The following ZBTB25 variants were observed in gnomAD, a reference collection of about 807,000 sequenced individuals.
ZBTB25 encodes zinc finger and BTB domain-containing protein 25.
ZBTB25 carries 20 observed loss-of-function variants against 34.2 expected under a neutral mutation model. That is an observed-to-expected ratio of 0.58 (90% CI 0.41 to 0.85). The LOEUF is 0.85. Among genes scored for constraint, ZBTB25 ranks in the 40% least tolerant of loss-of-function variants. The pLI, the probability that ZBTB25 is intolerant of heterozygous loss-of-function variation, is 0.00. For synonymous variants in ZBTB25, 175 were observed against 186.4 expected (o/e 0.94, Z 0.50); for missense variants, 437 against 521.8 (o/e 0.84, Z 1.58).
In ZBTB25 at chr14:64,487,211, A is replaced by G; in HGVS notation, c.1020T>C (p.Asn340=). 2 of 1,614,166 alleles carry G rather than the reference A, an allele frequency of 1.2e-6. No individual in the cohort carries two copies. The highest frequency in any genetic ancestry group is 1.7e-6 in the Non-Finnish European group (2 of 1,180,034). ...KDTEPVELNC[N]FSFSRKRKMS... is the part of the protein sequence containing the mutation. ...TTTTTCTTTTCCTTGAAAAAGAAAA[A>G]TTACAGTTTAATTCTACTGGCTCTG... Residue 340 remains asparagine (N), a synonymous_variant, in exon 3 of 3, where the codon AAT becomes AAC. Transcript: ENST00000608382.
At chr14:64,489,079 T>C (rs1344994990) in intron 2 of ZBTB25, among the ~76,000 whole-genome samples, 1 of 152,070 alleles carries the variant, frequency 6.6e-6, no homozygotes, top group African/African-American at 2.4e-5. Context: ...AAACCCTGTC[T>C]CTACTAAAAT....
rs1304043230 is a variant in ZBTB25, at chr14:64,481,763, T to C, written c.*5160A>G. Reference sequence around the variant, plus strand: ...TGGGACTGTGCAATCTCACCAGTTTTCAAAATGTCCAACCATACAAACACA... The same window carrying C: ...TGGGACTGTGCAATCTCACCAGTTTCCAAAATGTCCAACCATACAAACACA... On this transcript the variant is annotated 3_prime_UTR_variant, in exon 3 of 3. Transcript: ENST00000608382. 6.6e-6 allele frequency: 1 copy of C among 152,206 alleles called. No homozygotes were observed. Among genetic ancestry groups the C allele is most frequent in the African/African-American group, 2.4e-5 (1 of 41,446 alleles). The allele number at this position is 152,206 out of a possible 1,614,324, so 9.4% of individuals were successfully genotyped here.
intron 2 of ZBTB25, among the ~76,000 whole-genome samples, chr14:64,488,579 T>C (rs928810976): frequency 5.9e-5 from 9 of 152,202 alleles, no homozygotes; most frequent in Non-Finnish European, 1.2e-4. Context: ...TGGAATATTA[T>C]TCAACCATAA....
At chr14:64,496,950 G>C (rs2079299310) in intron 1 of ZBTB25, among the ~76,000 whole-genome samples, 1 of 152,122 alleles carries the variant, frequency 6.6e-6, no homozygotes, top group Non-Finnish European at 1.5e-5. Context: ...AGAAACCACA[G>C]GCTCAGAGAA....
chr14:64,449,273 C>A, exon 3 of ZBTB25: 1 of 720,236 alleles, frequency 1.4e-6, no homozygotes, highest in Non-Finnish European at 2.4e-6. Context: ...AGGTAACTGG[C>A]CAAAAGTCAC....
At chr14:64,465,146 GTC>G (rs2078596821) in intron 2 of ZBTB25, among the ~76,000 whole-genome samples, 3 of 152,346 alleles carry the variant, frequency 2.0e-5, no homozygotes, top group Admixed American at 1.3e-4. Context: ...TAATGCGACT[GTC>G]TATAATTTGA....
Position 64,498,984 on chromosome 14 carries a change from G to GT in ZBTB25, c.-8+4676dup, listed in dbSNP as rs1452296593. ...CAGGTGATTCTAACGTGACTGCTCA[G>GT]TTAAGAACCACTGCCTCAGAAGAAC... On this transcript the variant is annotated intron_variant, in intron 1 of 2. Transcript: ENST00000608382. 4.6e-5 allele frequency among the ~76,000 whole-genome samples: 7 copies of GT among 152,258 alleles called. No individual in the cohort carries two copies. The South Asian group carries it at 1.5e-3, about 32-fold the overall frequency.
intron 2 of ZBTB25, among the ~76,000 whole-genome samples, chr14:64,463,786 A>G (rs2078581962): frequency 6.6e-6 from 1 of 152,086 alleles, no homozygotes; most frequent in Non-Finnish European, 1.5e-5. Context: ...AAAATAAGAC[A>G]GCTATTTTAC....
exon 3 of ZBTB25, chr14:64,449,142 T>G: frequency 2.3e-6 from 1 of 427,844 alleles, no homozygotes; most frequent in Non-Finnish European, 4.4e-6. Flanking sequence ...CCTTCTGGAG[T>G]GCTGGGAATT....
intron 2 of ZBTB25, among the ~76,000 whole-genome samples, chr14:64,451,574 T>C (rs1279263741): frequency 6.6e-6 from 1 of 152,214 alleles, no homozygotes; most frequent in Non-Finnish European, 1.5e-5. Context: ...TGCACACAAA[T>C]GCAAAGCATT....
intron 2 of ZBTB25, chr14:64,458,314 T>A: frequency 6.3e-7 from 1 of 1,589,232 alleles, no homozygotes; most frequent in Non-Finnish European, 8.6e-7. Context: ...ACAGGTAAGT[T>A]GTTACTGGGT....
intron 1 of ZBTB25, among the ~76,000 whole-genome samples, chr14:64,496,873 C>T (rs2079295653): frequency 6.6e-6 from 1 of 152,190 alleles, no homozygotes; most frequent in Non-Finnish European, 1.5e-5. Context: ...CTGCCCTACA[C>T]TATCTTTTTT....
rs970451689 is a variant in ZBTB25, at chr14:64,482,050, G to A, written c.*4873C>T. The A allele has an allele frequency of 9.2e-5, 14 of 152,138 alleles. No homozygotes were observed. Among genetic ancestry groups the A allele is most frequent in the Middle Eastern group, 3.4e-3 (1 of 294 alleles). 9.4% of individuals were successfully genotyped at this position (152,138 alleles called of 1,614,324 possible). On this transcript the variant is annotated 3_prime_UTR_variant, in exon 3 of 3. Transcript: ENST00000608382. ...CATTTTTCACACTATCTTTTTCCAC[G>A]ATTAATATGTATTTCCTTCAATTTT...
chr14:64,503,312 G>C, intron 1 of ZBTB25: 1 of 985,428 alleles, frequency 1.0e-6, no homozygotes, highest in Non-Finnish European at 1.2e-6. Flanking sequence ...GCTACCCGAG[G>C]GAGGCCGCAG....
At chr14:64,463,892 G>A (rs1277808261) in intron 2 of ZBTB25, among the ~76,000 whole-genome samples, 3 of 152,190 alleles carry the variant, frequency 2.0e-5, no homozygotes, top group Non-Finnish European at 4.4e-5. Flanking sequence ...ATCTCAATAA[G>A]GAATAGTTCT....
In ZBTB25 at chr14:64,481,575, C is replaced by T. The variant is rs1212720792; in HGVS notation, c.*5348G>A. 6.6e-6 allele frequency: 1 copy of T among 152,156 alleles called. No individual in the cohort carries two copies. The highest frequency in any genetic ancestry group is 1.5e-5 in the Non-Finnish European group (1 of 68,028). The allele number at this position is 152,156 out of a possible 1,614,324, so 9.4% of individuals were successfully genotyped here. A position where few individuals can be genotyped will look rare whatever the true frequency, so the allele number is the denominator to read the frequency against. ...TCTGACTAAATGACTTTATTTAGCA[C>T]AAAATAGAGGAGTTGATGACAGTTA... On this transcript the variant is annotated 3_prime_UTR_variant, in exon 3 of 3. Coordinates refer to ENST00000608382, the MANE Select transcript of ZBTB25 (RefSeq NM_006977.5).
intron 2 of ZBTB25, among the ~76,000 whole-genome samples, chr14:64,457,692 G>T (rs1206009996): frequency 6.6e-6 from 1 of 152,082 alleles, no homozygotes; most frequent in Non-Finnish European, 1.5e-5. Flanking sequence ...CTGACCTCAG[G>T]TGATCCATCT....
chr14:64,455,129 G>A, intron 2 of ZBTB25: 1 of 468,626 alleles, frequency 2.1e-6, no homozygotes, highest in Non-Finnish European at 3.9e-6. Context: ...CTGTTTCCCA[G>A]GGACAGTATG....
At chr14:64,493,462 T>G (rs1295276396) in intron 1 of ZBTB25, among the ~76,000 whole-genome samples, 1 of 152,192 alleles carries the variant, frequency 6.6e-6, no homozygotes, top group African/African-American at 2.4e-5. Flanking sequence ...TAATAAATAC[T>G]AGGCATTATC....
Sources: gnomAD v4.1 joint callset for allele counts (sites outside exome capture counted in the v4.1 genomes callset) on GRCh38, gnomAD v4.1.1 for gene constraint, MANE v1.5 for transcripts, NCBI Gene and HGNC (gene_info 2026-07-23, HGNC 2026-07-21) for gene names.